Variants in CATSPERZ observed in about 807,000 individuals in gnomAD.
The protein encoded by CATSPERZ is cation channel sperm-associated auxiliary subunit zeta.
A neutral mutation model predicts 21.7 loss-of-function variants in CATSPERZ; 21 were observed. That is an observed-to-expected ratio of 0.97 (90% CI 0.69 to 1.39). The LOEUF is 1.39. CATSPERZ is among the 40% of genes most tolerant of loss of function. The pLI is 0.00. For synonymous variants in CATSPERZ, 127 were observed against 108.7 expected (o/e 1.17, Z -1.05); for missense variants, 234 against 259.5 (o/e 0.90, Z 0.68).
At chr11:64,304,045 A>G (rs2034974240) in intron 4 of CATSPERZ, among the ~76,000 whole-genome samples, 1 of 152,204 alleles carries the variant, frequency 6.6e-6, no homozygotes, top group African/African-American at 2.4e-5. Context: ...GGTGATGGGC[A>G]GAGGCCTGGG....
intron 4 of CATSPERZ, 85 bp from the exon 5 acceptor site, chr11:64,304,439 ACCTCGAATCATCTGCGGTT>A: frequency 7.3e-6 from 6 of 817,792 alleles, no homozygotes; most frequent in Non-Finnish European, 9.7e-6. Context: ...CGCTACTGCT[ACCTCGAATCATCTGCGGTT>A]CCTCGAATCA....
At chr11:64,301,672 C>T (rs1221309542) in intron 2 of CATSPERZ, among the ~76,000 whole-genome samples, 1 of 151,520 alleles carries the variant, frequency 6.6e-6, no homozygotes, top group African/African-American at 2.4e-5. Flanking sequence ...CTGCGCCCGG[C>T]CTTTGTTTTT....
At chr11:64,301,498 C>T (rs898319720) in intron 2 of CATSPERZ, among the ~76,000 whole-genome samples, 36 of 151,154 alleles carry the variant, frequency 2.4e-4, no homozygotes, top group African/African-American at 8.3e-4. Context: ...CTCCGCCTCC[C>T]GAGTAGCTGG....
intron 2 of CATSPERZ, among the ~76,000 whole-genome samples, chr11:64,301,298 T>C (rs1482351139): frequency 6.6e-6 from 1 of 152,180 alleles, no homozygotes; most frequent in African/African-American, 2.4e-5. Context: ...TGTTTTGTTT[T>C]GTTTTGTTTT....
At chr11:64,303,724 G>A (rs370841141) in intron 3 of CATSPERZ, 49 bp from the exon 4 acceptor site, 21 of 1,553,032 alleles carry the variant, frequency 1.4e-5, no homozygotes, top group Non-Finnish European at 1.7e-5. Context: ...TTTCAGCTGT[G>A]GGCAGAGATG....
intron 2 of CATSPERZ, among the ~76,000 whole-genome samples, chr11:64,301,211 A>C (rs2034919826): frequency 6.6e-6 from 1 of 152,258 alleles, no homozygotes; most frequent in Admixed American, 6.5e-5. Flanking sequence ...CGTGACGCGC[A>C]GAGTCCGGGG....
intron 2 of CATSPERZ, among the ~76,000 whole-genome samples, chr11:64,302,516 G>GT (rs1717674517): frequency 1.3e-5 from 2 of 152,072 alleles, no homozygotes; most frequent in South Asian, 4.1e-4. Context: ...TCCTGACCTC[G>GT]TGATCCGCCC....
intron 4 of CATSPERZ, 126 bp from the exon 5 acceptor site, chr11:64,304,417 C>A: frequency 1.5e-6 from 1 of 677,262 alleles, no homozygotes. Flanking sequence ...TAACACAGAC[C>A]TGAGTGCCCT....
chr11:64,300,577 G>A, intron 1 of CATSPERZ, 80 bp from the exon 2 acceptor site: 2 of 1,449,684 alleles, frequency 1.4e-6, no homozygotes, highest in Non-Finnish European at 1.8e-6. Flanking sequence ...AACCCGGCCC[G>A]GCTCAGTTCC....
chr11:64,304,389 A>G (rs961851564), intron 4 of CATSPERZ, among the ~76,000 whole-genome samples, 154 bp from the exon 5 acceptor site: 1 of 152,058 alleles, frequency 6.6e-6, no homozygotes, highest in East Asian at 1.9e-4. Context: ...ACCCTTAGAG[A>G]TGCAAAGTTC....
chr11:64,300,678 C>T lies in CATSPERZ; in HGVS notation c.43C>T (p.Arg15Cys), dbSNP rs1388731490. 6 of 1,538,594 alleles carry T rather than the reference C, an allele frequency of 3.9e-6. No individual in the cohort carries two copies. Among genetic ancestry groups the T allele is most frequent in the South Asian group, 2.4e-5 (2 of 83,318 alleles). The change falls in exon 2 of 5, where the codon CGC becomes TGC. Residue 15 changes from arginine (R) to cysteine (C), a missense_variant. Transcript: ENST00000328404. ...ACAGGTGTCGCTCAAGTCTTCCGAC[C>T]GCCAAGGCTCGGACGAGGAGAGCGT... ...PSKVSLKSSD[R>C]QGSDEESVHS...
In CATSPERZ at chr11:64,303,521, A is replaced by G. The variant is rs1372603294; in HGVS notation, c.392A>G (p.His131Arg). 6.2e-7 allele frequency: 1 copy of G among 1,613,492 alleles called. No homozygotes were observed. The change falls in exon 3 of 5, where the codon CAC becomes CGC. Residue 131 changes from histidine (H) to arginine (R), a missense_variant. Physicochemically the swap from His to Arg is conservative, Grantham distance 29. Transcript: ENST00000328404. ...SSMSSLNIAK[H>R]MPHRAYWAEQ... is the part of the protein sequence containing the mutation. ...ATGTCATCACTCAATATTGCGAAGC[A>G]CATGCCCCATCGAGCCTACTGGGCA...
chr11:64,300,374 C>A lies in CATSPERZ; in HGVS notation c.-37C>A, dbSNP rs369586049. 16 of 1,421,986 alleles carry A rather than the reference C, an allele frequency of 1.1e-5. No homozygotes were observed. The African/African-American group carries it at 2.1e-4, about 19-fold the overall frequency. 88.1% of individuals were successfully genotyped at this position (1,421,986 alleles called of 1,614,324 possible). ...TGGAGCGTTGACTCCCTTCTCGTCT[C>A]GAGGCCTGTGGCGTCTGGGTCCGTT... On this transcript the variant is annotated 5_prime_UTR_variant, in exon 1 of 5. Coordinates refer to ENST00000328404, the MANE Select transcript of CATSPERZ (RefSeq NM_001039496.2).
chr11:64,300,711 G>A lies in CATSPERZ; in HGVS notation c.76G>A (p.Asp26Asn), dbSNP rs905996175. 8 of 1,549,030 alleles carry A rather than the reference G, an allele frequency of 5.2e-6. No individual in the cohort carries two copies. In the Admixed American group the frequency reaches 9.8e-5, roughly 19 times the overall value. Residue 26 changes from aspartate (D) to asparagine (N), a missense_variant, in exon 2 of 5, where the codon GAC (aspartate) becomes AAC (asparagine). Asp to Asn is a conservative substitution (Grantham distance 23, BLOSUM62 1). Coordinates refer to ENST00000328404, the MANE Select transcript of CATSPERZ (RefSeq NM_001039496.2). ...CTCGGACGAGGAGAGCGTGCATAGC[G>A]ACACTCGGGACCTGTGGACCACGAC... Reference protein sequence around the residue: ...QGSDEESVHSDTRDLWTTTTL... With the variant: ...QGSDEESVHSNTRDLWTTTTL...
rs375612985 is a variant in CATSPERZ, at chr11:64,303,746, C to T, written c.433-27C>T. On this transcript the variant is annotated intron_variant, in intron 3 of 4. Coordinates refer to ENST00000328404, the MANE Select transcript of CATSPERZ (RefSeq NM_001039496.2). ...TGTGGGCAGAGATGAAGTACCTGGACGCCTAAGCCTCTTGCTGCTTCTCCA... is the reference window on the plus strand; with the variant it reads ...TGTGGGCAGAGATGAAGTACCTGGATGCCTAAGCCTCTTGCTGCTTCTCCA... The T allele has an allele frequency of 1.2e-3, 1,957 of 1,577,904 alleles. 1 individual carries two copies. Among genetic ancestry groups the T allele is most frequent in the Non-Finnish European group, 1.4e-3 (1,635 of 1,161,914 alleles).
intron 2 of CATSPERZ, among the ~76,000 whole-genome samples, chr11:64,303,194 C>G (rs192813671): frequency 6.6e-6 from 1 of 151,998 alleles, no homozygotes; most frequent in Non-Finnish European, 1.5e-5. Context: ...CCACCGTGCC[C>G]GGCCAAGAGC....
chr11:64,300,639 C>A lies in CATSPERZ; in HGVS notation c.22-18C>A. ...GCCATCCGCGACCCTTGGCTCCCTCCTTGTATGTGGCCCACAGGTGTCGCT... is the reference window on the plus strand; with the variant it reads ...GCCATCCGCGACCCTTGGCTCCCTCATTGTATGTGGCCCACAGGTGTCGCT... On this transcript the variant is annotated intron_variant, in intron 1 of 4. Transcript: ENST00000328404. 1 of 1,524,618 alleles carries A rather than the reference C, an allele frequency of 6.6e-7. No individual in the cohort carries two copies. The highest frequency in any genetic ancestry group is 8.8e-7 in the Non-Finnish European group (1 of 1,130,352). 94.4% of individuals were successfully genotyped at this position (1,524,618 alleles called of 1,614,324 possible).
At chr11:64,302,210 G>C (rs899517753) in intron 2 of CATSPERZ, among the ~76,000 whole-genome samples, 2 of 152,200 alleles carry the variant, frequency 1.3e-5, no homozygotes, top group African/African-American at 4.8e-5. Flanking sequence ...TGCCAGGCAC[G>C]GGGCTTCCCC....
chr11:64,302,975 G>GTGCAAGCTCCGCCTCCCTGGTTCAA (rs2034951786), intron 2 of CATSPERZ, among the ~76,000 whole-genome samples: 1 of 130,666 alleles, frequency 7.7e-6, no homozygotes, highest in Non-Finnish European at 1.7e-5. Flanking sequence ...TCTCGGCTCA[G>GTGCAAGCTCCGCCTCCCTGGTTCAA]TGCAAGCTCC....
Sources: gnomAD v4.1 joint callset for allele counts (sites outside exome capture counted in the v4.1 genomes callset) on GRCh38, gnomAD v4.1.1 for gene constraint, MANE v1.5 for transcripts, NCBI Gene and HGNC (gene_info 2026-07-23, HGNC 2026-07-21) for gene names.